Variants in NOS1AP observed in about 807,000 individuals in gnomAD.
The protein encoded by NOS1AP is nitric oxide synthase 1 adaptor protein.
NOS1AP carries 21 observed loss-of-function variants against 56.2 expected under a neutral mutation model. That is an observed-to-expected ratio of 0.37 (90% CI 0.26 to 0.54). NOS1AP has a LOEUF of 0.54. Among genes scored for constraint, NOS1AP ranks in the 20% least tolerant of loss-of-function variants. The pLI is 0.84. For missense variants in NOS1AP, 522 were observed against 657.8 expected (o/e 0.79, Z 2.26); for synonymous variants, 270 against 274.6 (o/e 0.98, Z 0.17).
intron 2 of NOS1AP, among the ~76,000 whole-genome samples, chr1:162,272,509 G>A (rs1372977902): frequency 6.6e-6 from 1 of 152,176 alleles, no homozygotes; most frequent in Non-Finnish European, 1.5e-5. Context: ...ACGAAAAGAT[G>A]AATTGATAGA....
intron 1 of NOS1AP, among the ~76,000 whole-genome samples, chr1:162,107,573 G>A (rs930050367): frequency 2.0e-5 from 3 of 152,092 alleles, no homozygotes; most frequent in Non-Finnish European, 4.4e-5. Flanking sequence ...CGAGCTCCTG[G>A]CCTTAAGCAT....
intron 1 of NOS1AP, among the ~76,000 whole-genome samples, chr1:162,099,653 T>C (rs1455561746): frequency 1.3e-5 from 2 of 149,616 alleles, no homozygotes; most frequent in African/African-American, 4.9e-5. Flanking sequence ...TTATCATACT[T>C]TAAGTTTTAG....
At chr1:162,194,673 G>C (rs1651748503) in intron 2 of NOS1AP, among the ~76,000 whole-genome samples, 1 of 152,214 alleles carries the variant, frequency 6.6e-6, no homozygotes, top group Non-Finnish European at 1.5e-5. Flanking sequence ...AAGGTTGCCA[G>C]TGTTCTCTTT....
intron 2 of NOS1AP, among the ~76,000 whole-genome samples, chr1:162,235,218 G>A (rs1008949674): frequency 6.6e-6 from 1 of 151,958 alleles, no homozygotes; most frequent in Non-Finnish European, 1.5e-5. Flanking sequence ...CCCATAGAAG[G>A]GTTCACTCAG....
intron 3 of NOS1AP, among the ~76,000 whole-genome samples, chr1:162,295,086 C>A (rs181782630): frequency 6.6e-6 from 1 of 152,166 alleles, no homozygotes; most frequent in Non-Finnish European, 1.5e-5. Flanking sequence ...GTTCCCTGGG[C>A]TGTTTTTAGT....
intron 2 of NOS1AP, among the ~76,000 whole-genome samples, chr1:162,283,155 A>G (rs1041888307): frequency 5.3e-5 from 8 of 151,258 alleles, no homozygotes; most frequent in African/African-American, 1.9e-4. Context: ...ATACATATAT[A>G]TTTTTAACAT....
chr1:162,111,474 G>A (rs1243715942), intron 1 of NOS1AP, among the ~76,000 whole-genome samples: 1 of 152,182 alleles, frequency 6.6e-6, no homozygotes, highest in African/African-American at 2.4e-5. Flanking sequence ...TCATTTCTGA[G>A]AAACAAGCTC....
At chr1:162,319,619 G>A (rs946805967) in intron 4 of NOS1AP, among the ~76,000 whole-genome samples, 27 of 152,156 alleles carry the variant, frequency 1.8e-4, no homozygotes, top group Admixed American at 6.5e-4. Flanking sequence ...CTTCTGTCTC[G>A]GTGATGGATA....
chr1:162,082,616 T>C (rs1399784337), intron 1 of NOS1AP, among the ~76,000 whole-genome samples: 3 of 152,210 alleles, frequency 2.0e-5, no homozygotes, highest in Non-Finnish European at 4.4e-5. Flanking sequence ...TTTTGACTTT[T>C]TAGTAATACC....
At chr1:162,149,468 C>G (rs955941938) in intron 1 of NOS1AP, among the ~76,000 whole-genome samples, 2 of 152,206 alleles carry the variant, frequency 1.3e-5, no homozygotes, top group African/African-American at 2.4e-5. Context: ...GATGAAGACT[C>G]AGGGACAGAC....
At chr1:162,072,422 G>T (rs1178287695) in intron 1 of NOS1AP, among the ~76,000 whole-genome samples, 2 of 152,140 alleles carry the variant, frequency 1.3e-5, no homozygotes, top group African/African-American at 4.8e-5. Flanking sequence ...CAAATGTCTG[G>T]GGGCTGTGTG....
intron 2 of NOS1AP, among the ~76,000 whole-genome samples, chr1:162,242,226 A>G (rs1284260902): frequency 1.3e-5 from 2 of 152,232 alleles, no homozygotes; most frequent in African/African-American, 4.8e-5. Context: ...TTTTTAAAAC[A>G]TGTCTGCAAA....
intron 1 of NOS1AP, among the ~76,000 whole-genome samples, chr1:162,081,958 C>T (rs1306002428): frequency 6.6e-6 from 1 of 150,980 alleles, no homozygotes; most frequent in African/African-American, 2.4e-5. Context: ...ATTTTAAGCT[C>T]AGGGGCACAT....
At chr1:162,077,863 C>T (rs1691803720) in intron 1 of NOS1AP, among the ~76,000 whole-genome samples, 1 of 152,132 alleles carries the variant, frequency 6.6e-6, no homozygotes, top group South Asian at 2.1e-4. Context: ...GAGAGTACTC[C>T]ACCCTCTGCA....
At chr1:162,303,216 G>A (rs1230453443) in intron 4 of NOS1AP, among the ~76,000 whole-genome samples, 1 of 152,116 alleles carries the variant, frequency 6.6e-6, no homozygotes, top group African/African-American at 2.4e-5. Flanking sequence ...AAATACCCAG[G>A]AACAGAATGG....
At chr1:162,300,997 T>C (rs1049748858) in intron 4 of NOS1AP, among the ~76,000 whole-genome samples, 3 of 152,218 alleles carry the variant, frequency 2.0e-5, no homozygotes, top group African/African-American at 4.8e-5. Flanking sequence ...GTTGTCCCAA[T>C]TGAAATTCTA....
intron 2 of NOS1AP, among the ~76,000 whole-genome samples, chr1:162,209,154 G>A (rs569571009): frequency 3.6e-4 from 55 of 152,260 alleles, no homozygotes; most frequent in Non-Finnish European, 7.4e-4. Context: ...ACCCCATGGG[G>A]CCTCTGTATT....
intron 4 of NOS1AP, among the ~76,000 whole-genome samples, chr1:162,331,228 G>A (rs1656756753): frequency 6.6e-6 from 1 of 152,156 alleles, no homozygotes; most frequent in South Asian, 2.1e-4. Flanking sequence ...ACCATTTAGA[G>A]ATGATAGACA....
chr1:162,070,360 T>C (rs1570984881), intron 1 of NOS1AP, 78 bp downstream of exon 1: 1 of 1,237,546 alleles, frequency 8.1e-7, no homozygotes, highest in Non-Finnish European at 1.2e-6. Flanking sequence ...TGCACAGCCG[T>C]CCTGGACCCA....
Sources: allele counts gnomAD v4.1 joint callset (sites outside exome capture counted in the v4.1 genomes callset), GRCh38; gene constraint gnomAD v4.1.1; transcripts MANE v1.5; gene names NCBI Gene and HGNC (gene_info 2026-07-23, HGNC 2026-07-21).